The following GPC5 variants were observed in gnomAD, a reference collection of about 807,000 sequenced individuals.
GPC5 encodes glypican 5.
Under a neutral mutation model 53.9 loss-of-function variants are expected in GPC5, and 47 were observed. The ratio of observed to expected loss-of-function variants is 0.87; its 90% CI spans 0.69 to 1.11. The LOEUF is 1.11. GPC5 is among the 50% of genes most tolerant of loss of function. The pLI is 0.00. For synonymous variants in GPC5, 286 were observed against 263.3 expected, an observed-to-expected ratio of 1.09 and a Z score of -0.84; for missense variants, 748 against 713.1, an observed-to-expected ratio of 1.05 and a Z score of -0.56.
intron 7 of GPC5, among the ~76,000 whole-genome samples, chr13:92,381,897 A>ATCATATATATGATATATATATATCATAT (rs1218262542): frequency 9.9e-6 from 1 of 101,336 alleles, no homozygotes; most frequent in African/African-American, 3.7e-5. Context: ...TATTATATAT[A>ATCATATATATGATATATATATATCATAT]ATCATATATA....
At chr13:92,285,296 A>G (rs1048324110) in intron 7 of GPC5, among the ~76,000 whole-genome samples, 87 of 152,290 alleles carry the variant, frequency 5.7e-4, no homozygotes, top group Admixed American at 2.0e-3. Flanking sequence ...AATCAATAAC[A>G]TGAAAATGGC....
chr13:91,942,223 A>G (rs560818975), intron 6 of GPC5, among the ~76,000 whole-genome samples: 6 of 152,182 alleles, frequency 3.9e-5, no homozygotes, highest in African/African-American at 1.4e-4. Context: ...TATTTACCTG[A>G]CTAAAAAAGG....
chr13:91,529,998 C>G lies in GPC5; in HGVS notation c.325+81076C>G, dbSNP rs116775399. 4.9e-3 allele frequency among the ~76,000 whole-genome samples: 741 copies of G among 152,148 alleles called. 8 individuals carry two copies. The highest frequency in any genetic ancestry group is 0.016 in the African/African-American group (671 of 41,494). Reference sequence around the variant, plus strand: ...CTTAGTAGTGACATATCATAGGAAGCTAAGCTCTCAAGTCTTCAGATAGCC... The same window carrying G: ...CTTAGTAGTGACATATCATAGGAAGGTAAGCTCTCAAGTCTTCAGATAGCC... On this transcript the variant is annotated intron_variant, in intron 2 of 7. Coordinates refer to ENST00000377067, the MANE Select transcript of GPC5 (RefSeq NM_004466.6).
intron 2 of GPC5, among the ~76,000 whole-genome samples, chr13:91,516,701 A>T (rs2139352046): frequency 6.6e-6 from 1 of 152,262 alleles, no homozygotes; most frequent in Non-Finnish European, 1.5e-5. Context: ...CTCTGACCCC[A>T]CATTTCCCTT....
intron 7 of GPC5, among the ~76,000 whole-genome samples, chr13:92,349,381 G>A (rs2043455453): frequency 6.6e-6 from 1 of 151,736 alleles, no homozygotes; most frequent in African/African-American, 2.4e-5. Flanking sequence ...CCGACCTCAG[G>A]TGATTTGCCC....
intron 6 of GPC5, among the ~76,000 whole-genome samples, chr13:91,959,454 C>A (rs1312451789): frequency 2.0e-5 from 3 of 151,956 alleles, no homozygotes; most frequent in Admixed American, 6.6e-5. Flanking sequence ...CTGCCAAATT[C>A]TACCAAACTA....
At chr13:91,663,623 AATTAAAAAC>A in intron 2 of GPC5, among the ~76,000 whole-genome samples, 1 of 151,222 alleles carries the variant, frequency 6.6e-6, no homozygotes, top group East Asian at 1.9e-4. Flanking sequence ...ACACCTGGCT[AATTAAAAAC>A]ATTTTTTTTT....
intron 7 of GPC5, among the ~76,000 whole-genome samples, chr13:92,790,879 T>A (rs1487530662): frequency 6.6e-6 from 1 of 152,080 alleles, no homozygotes; most frequent in Non-Finnish European, 1.5e-5. Context: ...CCAATAAACA[T>A]GGATTTGTTA....
intron 2 of GPC5, among the ~76,000 whole-genome samples, chr13:91,474,003 T>C (rs1882785011): frequency 6.6e-6 from 1 of 152,184 alleles, no homozygotes; most frequent in African/African-American, 2.4e-5. Context: ...ATATTAAATT[T>C]GAAATGCATT....
At chr13:91,808,681 G>A (rs773665853) in intron 5 of GPC5, among the ~76,000 whole-genome samples, 6 of 152,050 alleles carry the variant, frequency 3.9e-5, no homozygotes, top group African/African-American at 1.2e-4. Flanking sequence ...TTGAAACCTC[G>A]CTGATTTCTG....
intron 7 of GPC5, among the ~76,000 whole-genome samples, chr13:92,842,653 TTG>T (rs1491308063): frequency 8.3e-6 from 1 of 121,108 alleles, no homozygotes. Context: ...GGATACATAA[TTG>T]TTTTTTTTTT....
chr13:92,649,131 A>T (rs1885875666), intron 7 of GPC5, among the ~76,000 whole-genome samples: 1 of 152,154 alleles, frequency 6.6e-6, no homozygotes, highest in South Asian at 2.1e-4. Context: ...GCATATTTCT[A>T]AATTAATAAG....
intron 2 of GPC5, among the ~76,000 whole-genome samples, chr13:91,545,891 CTAT>C (rs2030258081): frequency 6.6e-6 from 1 of 151,954 alleles, no homozygotes; most frequent in African/African-American, 2.4e-5. Context: ...TGTTCAATGA[CTAT>C]TATTTAGATA....
intron 7 of GPC5, among the ~76,000 whole-genome samples, chr13:92,524,042 G>C (rs1881176706): frequency 6.6e-6 from 1 of 152,084 alleles, no homozygotes. Context: ...CAGAGTGGTG[G>C]TTGATGCTAA....
intron 2 of GPC5, among the ~76,000 whole-genome samples, chr13:91,673,487 T>C (rs867460256): frequency 4.9e-4 from 74 of 152,242 alleles, no homozygotes; most frequent in African/African-American, 1.8e-3. Context: ...ATTAGAAGAA[T>C]ATATTAAAAA....
At chr13:92,627,820 C>T (rs1218510243) in intron 7 of GPC5, among the ~76,000 whole-genome samples, 1 of 152,152 alleles carries the variant, frequency 6.6e-6, no homozygotes, top group African/African-American at 2.4e-5. Flanking sequence ...ATCTTTCTAT[C>T]TTAATCAGTA....
In GPC5 at chr13:92,381,897, A is replaced by ATGATTATATAT. The variant is rs1218262542; in HGVS notation, c.1561+236908_1561+236909insTGATTATATAT. ...ATATATGATTATATATATTATATATAATCATATATATGATATATATAATCA... is the reference window on the plus strand; with the variant it reads ...ATATATGATTATATATATTATATATATGATTATATATATCATATATATGATATATATAATCA... On this transcript the variant is annotated intron_variant, in intron 7 of 7. Transcript: ENST00000377067. 3.1e-4 allele frequency among the ~76,000 whole-genome samples: 31 copies of ATGATTATATAT among 101,320 alleles called. 3 individuals are homozygous for ATGATTATATAT. Among genetic ancestry groups the ATGATTATATAT allele is most frequent in the African/African-American group, 1.1e-3 (31 of 27,092 alleles). 66.5% of individuals were successfully genotyped at this position (101,320 alleles called of 152,430 possible).
At chr13:92,062,099 G>C (rs1252235113) in intron 6 of GPC5, among the ~76,000 whole-genome samples, 1 of 151,662 alleles carries the variant, frequency 6.6e-6, no homozygotes, top group African/African-American at 2.4e-5. Flanking sequence ...TGATGTCAAA[G>C]AAAGAAAAAG....
At chr13:91,477,819 A>G (rs368740228) in intron 2 of GPC5, among the ~76,000 whole-genome samples, 1 of 152,200 alleles carries the variant, frequency 6.6e-6, no homozygotes, top group African/African-American at 2.4e-5. Flanking sequence ...TCTATTTAGC[A>G]TTTGAGTTTT....
Sources: gnomAD v4.1 joint callset for allele counts (sites outside exome capture counted in the v4.1 genomes callset) on GRCh38, gnomAD v4.1.1 for gene constraint, MANE v1.5 for transcripts, NCBI Gene and HGNC (gene_info 2026-07-23, HGNC 2026-07-21) for gene names.